COG4: variants seen among roughly 807,000 people sequenced by gnomAD.
COG4 encodes conserved oligomeric Golgi complex subunit 4.
In COG4, 65 loss-of-function variants were observed where a neutral mutation model predicts 95.1. The observed-to-expected ratio is 0.68, with a 90% CI of 0.56 to 0.84. COG4 has a LOEUF of 0.84. Among genes scored for constraint, COG4 ranks in the 40% least tolerant of loss-of-function variants. COG4 has a pLI of 0.00. For synonymous variants in COG4, 421 were observed against 374.8 expected (o/e 1.12, Z -1.42); for missense variants, 1,045 against 989.1 (o/e 1.06, Z -0.76).
intron 14 of COG4, among the ~76,000 whole-genome samples, chr16:70,483,079 A>C (rs995787517): frequency 3.7e-4 from 6 of 16,064 alleles, no homozygotes; most frequent in Admixed American, 8.9e-4. Context: ...TCCCCACCCC[A>C]TCCCTCTTTT....
chr16:70,509,896 G>C lies in COG4; in HGVS notation c.844+20C>G. On this transcript the variant is annotated intron_variant, in intron 6 of 18. Coordinates refer to ENST00000323786, the MANE Select transcript of COG4 (RefSeq NM_015386.3). ...TCATATACAGTCTCCAGTCTCTCTA[G>C]AGCGGAGAAAGAGGCTCACCTTCAA... 6.3e-7 allele frequency: 1 copy of C among 1,585,294 alleles called. No homozygotes were observed. The highest frequency in any genetic ancestry group is 1.7e-5 in the Admixed American group (1 of 59,958).
intron 12 of COG4, among the ~76,000 whole-genome samples, chr16:70,492,384 C>T (rs370619878): frequency 5.9e-5 from 9 of 152,236 alleles, no homozygotes; most frequent in African/African-American, 2.2e-4. Context: ...GGAGGCCAGG[C>T]GCAGTGGCTC....
Position 70,508,460 on chromosome 16 carries a change from C to T in COG4, c.1007G>A (p.Arg336Gln), listed in dbSNP as rs747410167. The change falls in exon 8 of 19, where the codon CGG (arginine) becomes CAG (glutamine). Residue 336 changes from arginine to glutamine, a missense_variant. Coordinates refer to ENST00000323786, the MANE Select transcript of COG4 (RefSeq NM_015386.3). ...TCTCATCAGGTTGTTCTGAACATGC[C>T]GGAACTGCAACATACCACAGGAATG... ...IKQRDYHQQF[R>Q]HVQNNLMRNS... 1.9e-5 allele frequency: 31 copies of T among 1,613,734 alleles called. No homozygotes were observed. The highest frequency in any genetic ancestry group is 2.7e-5 in the African/African-American group (2 of 74,878).
At chr16:70,494,865 A>G (rs1254832294) in intron 12 of COG4, among the ~76,000 whole-genome samples, 2 of 152,198 alleles carry the variant, frequency 1.3e-5, no homozygotes, top group Non-Finnish European at 2.9e-5. Flanking sequence ...TTTGGATCTG[A>G]TCTTTTTTTG....
chr16:70,496,499 C>A, intron 11 of COG4, 68 bp from the exon 12 acceptor site: 5 of 1,489,300 alleles, frequency 3.4e-6, no homozygotes, highest in Non-Finnish European at 4.7e-6. Context: ...AAGGGCCAGT[C>A]TTCACCACTC....
At chr16:70,510,320 T>G (rs1252579637) in intron 5 of COG4, among the ~76,000 whole-genome samples, 2 of 152,168 alleles carry the variant, frequency 1.3e-5, no homozygotes, top group African/African-American at 4.8e-5. Context: ...AGGGTAACTT[T>G]CTATTATTTT....
intron 8 of COG4, among the ~76,000 whole-genome samples, chr16:70,505,899 C>T: frequency 6.6e-6 from 1 of 151,944 alleles, no homozygotes; most frequent in East Asian, 1.9e-4. Context: ...AATTCCAGTG[C>T]TTTGGGAGGC....
rs1246172047 is a variant in COG4 at position 70,512,379 on chromosome 16, T to C, written c.598A>G (p.Lys200Glu). The C allele has an allele frequency of 6.2e-7, 1 of 1,614,212 alleles. No individual in the cohort carries two copies. The highest frequency in any genetic ancestry group is 8.5e-7 in the Non-Finnish European group (1 of 1,180,028). ...KLLQEAEQRLKAIVAEKFAIA... is the reference protein window; with the variant it reads ...KLLQEAEQRLEAIVAEKFAIA... ...GCAAACTTCTCTGCCACAATGGCTT[T>C]GAGACGTTGCTCAGCTTCCTGCAGC... The change falls in exon 5 of 19, where the codon AAA (lysine) becomes GAA (glutamate). Residue 200 changes from lysine (K) to glutamate (E), a missense_variant. Transcript: ENST00000323786.
At chr16:70,487,306 A>AG (rs1215948723) in intron 13 of COG4, among the ~76,000 whole-genome samples, 4 of 151,796 alleles carry the variant, frequency 2.6e-5, no homozygotes, top group African/African-American at 4.8e-5. Context: ...TAAAAAAAAA[A>AG]AAAGACAAGG....
intron 8 of COG4, among the ~76,000 whole-genome samples, chr16:70,508,046 G>A (rs2049615627): frequency 6.6e-6 from 1 of 151,348 alleles, no homozygotes; most frequent in South Asian, 2.1e-4. Flanking sequence ...TCAGCCTCCC[G>A]AGTAGCTGGG....
chr16:70,491,607 G>A (rs1166920303), intron 12 of COG4, among the ~76,000 whole-genome samples: 2 of 148,110 alleles, frequency 1.4e-5, no homozygotes, highest in Non-Finnish European at 3.0e-5. Flanking sequence ...GGTGGATCAA[G>A]AGGTCAGGAG....
At chr16:70,484,284 T>C (rs1281149406) in intron 13 of COG4, among the ~76,000 whole-genome samples, 4 of 152,204 alleles carry the variant, frequency 2.6e-5, no homozygotes, top group African/African-American at 9.6e-5. Flanking sequence ...GGGCAAATGA[T>C]TTAAAGTTTC....
chr16:70,523,408 G>C lies in COG4; in HGVS notation c.136C>G (p.Leu46Val), dbSNP rs2049997498. ...CAGAGCCGTTCGTATACAGCCTCCA[G>C]CTCCTGCAGCTCTGTCAGGGAGCGA... ...LIRSLTELQE[L>V]EAVYERLCGE... is the part of the protein sequence containing the mutation. The change falls in exon 1 of 19, where the codon CTG (leucine) becomes GTG (valine). Residue 46 changes from leucine (L) to valine (V), a missense_variant. By Grantham distance (32) the Leu-to-Val change is conservative. Coordinates refer to ENST00000323786, the MANE Select transcript of COG4 (RefSeq NM_015386.3). 1.2e-6 allele frequency: 2 copies of C among 1,614,148 alleles called. No individual in the cohort carries two copies. Among genetic ancestry groups the C allele is most frequent in the African/African-American group, 2.7e-5 (2 of 75,042 alleles).
rs2048971116 is a variant in COG4, at chr16:70,480,718, G to A, written c.*292C>T. The A allele has an allele frequency of 4.3e-6, 2 of 464,238 alleles. No individual in the cohort carries two copies. Among genetic ancestry groups the A allele is most frequent in the Admixed American group, 3.5e-5 (1 of 28,406 alleles). 28.8% of individuals were successfully genotyped at this position (464,238 alleles called of 1,614,324 possible). A position where few individuals can be genotyped will look rare whatever the true frequency, so the allele number is the denominator to read the frequency against. ...CTGTAGTGTTTGAGGGCAAGAGACT[G>A]ACCATCCATGCAGAAAGCTGGCCTG... On this transcript the variant is annotated 3_prime_UTR_variant, in exon 19 of 19. Transcript: ENST00000323786.
chr16:70,505,203 T>TC (rs2049537268), intron 8 of COG4, among the ~76,000 whole-genome samples: 1 of 148,502 alleles, frequency 6.7e-6, no homozygotes, highest in Admixed American at 6.7e-5. Context: ...TTTTCTTTTT[T>TC]TTTTTTTTTT....
intron 16 of COG4, 101 bp downstream of exon 16, chr16:70,481,991 G>A: frequency 7.5e-7 from 1 of 1,339,836 alleles, no homozygotes; most frequent in African/African-American, 1.4e-5. Flanking sequence ...GGTTGGAAGG[G>A]CTTTCAGGGT....
intron 13 of COG4, among the ~76,000 whole-genome samples, chr16:70,487,080 C>T (rs537726095): frequency 3.3e-5 from 5 of 151,142 alleles, no homozygotes; most frequent in Admixed American, 2.0e-4. Context: ...CGCCTGAGGT[C>T]GGGAATTTGA....
chr16:70,521,815 C>T (rs561413414), intron 1 of COG4, among the ~76,000 whole-genome samples: 2 of 151,484 alleles, frequency 1.3e-5, no homozygotes, highest in East Asian at 3.9e-4. Context: ...CATTCTCCTG[C>T]CTCAGCCTCC....
chr16:70,510,756 G>C (rs2049684428), intron 5 of COG4, among the ~76,000 whole-genome samples: 1 of 151,542 alleles, frequency 6.6e-6, no homozygotes, highest in African/African-American at 2.4e-5. Context: ...AAGTACCATA[G>C]AGCAGGTTTC....
Sources: gnomAD v4.1 joint callset for allele counts (sites outside exome capture counted in the v4.1 genomes callset) on GRCh38, gnomAD v4.1.1 for gene constraint, MANE v1.5 for transcripts, NCBI Gene and HGNC (gene_info 2026-07-23, HGNC 2026-07-21) for gene names.